Variants in FOXP2 observed in about 807,000 individuals in gnomAD.
The protein encoded by FOXP2 is forkhead box protein P2.
FOXP2 carries 12 observed loss-of-function variants against 115.8 expected under a neutral mutation model. The observed-to-expected ratio is 0.10, with a 90% CI of 0.07 to 0.17. The LOEUF (loss-of-function observed/expected upper bound fraction) is 0.17. Among genes scored for constraint, FOXP2 ranks in the 10% least tolerant of loss-of-function variants. FOXP2 has a pLI of 1.00. For missense variants in FOXP2, 629 were observed against 843.5 expected (o/e 0.75, Z 3.15); for synonymous variants, 328 against 297.7 (o/e 1.10, Z -1.05).
rs538732352 is a variant in FOXP2 at position 114,458,212 on chromosome 7, GTGT to G, written c.168+31538_168+31540del. Among the ~76,000 whole-genome samples, 623 of 152,268 alleles carry G rather than the reference GTGT, an allele frequency of 4.1e-3. 5 individuals carry two copies. Among genetic ancestry groups the G allele is most frequent in the Middle Eastern group, 0.031 (9 of 292 alleles). On this transcript the variant is annotated intron_variant, in intron 2 of 16. Transcript: ENST00000350908. Reference sequence around the variant, plus strand: ...GTAATTTGATACTAAGAAAGGGAATGTGTTGTTAATGGTGCAGTTATTAAATAG... The same window carrying G: ...GTAATTTGATACTAAGAAAGGGAATGTGTTAATGGTGCAGTTATTAAATAG...
intron 6 of FOXP2, among the ~76,000 whole-genome samples, chr7:114,639,526 T>C (rs147528340): frequency 6.6e-6 from 1 of 151,716 alleles, no homozygotes; most frequent in East Asian, 1.9e-4. Flanking sequence ...GTTACATGAT[T>C]TTAAAAAAAA....
At chr7:114,371,593 C>CAAATAT (rs1792011926) in intron 2 of FOXP2, among the ~76,000 whole-genome samples, 1 of 152,090 alleles carries the variant, frequency 6.6e-6, no homozygotes, top group African/African-American at 2.4e-5. Flanking sequence ...TTATTACCCA[C>CAAATAT]AATCTGCCAC....
chr7:114,111,517 A>T lies in FOXP2; in HGVS notation c.-247+23679A>T, dbSNP rs28444086. Reference sequence around the variant, plus strand: ...GCACTAAATTTTGAGGTGGTTTGTTATATAGCAATAGATAAAACATAAGGG... The same window carrying T: ...GCACTAAATTTTGAGGTGGTTTGTTTTATAGCAATAGATAAAACATAAGGG... On this transcript the variant is annotated intron_variant, in intron 1 of 19. Transcript: ENST00000635638. Among the ~76,000 whole-genome samples, 362 of 152,250 alleles carry T rather than the reference A, an allele frequency of 2.4e-3. 2 individuals carry two copies. Among genetic ancestry groups the T allele is most frequent in the African/African-American group, 8.3e-3 (346 of 41,566 alleles).
intron 2 of FOXP2, among the ~76,000 whole-genome samples, chr7:114,343,403 A>G (rs1195208335): frequency 2.6e-5 from 4 of 151,652 alleles, no homozygotes; most frequent in Non-Finnish European, 5.9e-5. Context: ...TGAAAACACT[A>G]CAAAAAGGGA....
At chr7:114,622,026 T>G (rs1420141507) in intron 3 of FOXP2, among the ~76,000 whole-genome samples, 1 of 152,030 alleles carries the variant, frequency 6.6e-6, no homozygotes, top group Non-Finnish European at 1.5e-5. Flanking sequence ...AAGGGTATAG[T>G]AAATGCTGGG....
chr7:114,592,048 C>T (rs141171708), intron 3 of FOXP2, among the ~76,000 whole-genome samples: 142 of 152,116 alleles, frequency 9.3e-4, no homozygotes, highest in African/African-American at 2.3e-3. Context: ...AAATACCTGA[C>T]GCACTATTTC....
At chr7:114,185,414 G>A (rs1793566534) in intron 1 of FOXP2, among the ~76,000 whole-genome samples, 1 of 152,104 alleles carries the variant, frequency 6.6e-6, no homozygotes, top group African/African-American at 2.4e-5. Context: ...ATTTTAATTT[G>A]TAAAAATGGG....
intron 3 of FOXP2, among the ~76,000 whole-genome samples, chr7:114,622,637 G>T (rs1450052656): frequency 6.6e-6 from 1 of 151,934 alleles, no homozygotes; most frequent in Non-Finnish European, 1.5e-5. Flanking sequence ...ATGAAAGCAT[G>T]AAAGGATCTT....
chr7:114,352,285 A>G (rs111263168), intron 2 of FOXP2, among the ~76,000 whole-genome samples: 181 of 152,114 alleles, frequency 1.2e-3, no homozygotes, highest in African/African-American at 4.0e-3. Context: ...AAAGAAAGAA[A>G]GAAAAAGAAA....
intron 3 of FOXP2, among the ~76,000 whole-genome samples, chr7:114,545,655 C>G (rs1799883458): frequency 6.6e-6 from 1 of 152,134 alleles, no homozygotes. Flanking sequence ...GCACTCTGAT[C>G]TCATTGTCCA....
intron 2 of FOXP2, among the ~76,000 whole-genome samples, chr7:114,435,410 A>T (rs896406455): frequency 1.3e-5 from 2 of 152,166 alleles, no homozygotes; most frequent in African/African-American, 2.4e-5. Flanking sequence ...CAGAATATTG[A>T]GGACCATTCA....
At chr7:114,194,994 C>A (rs1300068424) in intron 1 of FOXP2, among the ~76,000 whole-genome samples, 2 of 151,838 alleles carry the variant, frequency 1.3e-5, no homozygotes, top group African/African-American at 4.8e-5. Flanking sequence ...ATTTTATAAC[C>A]CATTTTCTTT....
At chr7:114,617,037 A>G (rs929439606) in intron 3 of FOXP2, among the ~76,000 whole-genome samples, 1 of 152,226 alleles carries the variant, frequency 6.6e-6, no homozygotes, top group Admixed American at 6.5e-5. Flanking sequence ...GTGAGCTATG[A>G]TTGTGCCACT....
intron 3 of FOXP2, among the ~76,000 whole-genome samples, chr7:114,597,044 G>A (rs1396433937): frequency 6.6e-6 from 1 of 151,914 alleles, no homozygotes. Context: ...CTTTCTTTTG[G>A]TAGTGTGTAA....
chr7:114,140,628 T>C (rs1052215001), intron 1 of FOXP2, among the ~76,000 whole-genome samples: 1 of 152,248 alleles, frequency 6.6e-6, no homozygotes, highest in Non-Finnish European at 1.5e-5. Context: ...GGCAGGTAAC[T>C]AGGCTGTTAC....
chr7:114,251,653 T>A (rs1795447773), intron 1 of FOXP2, among the ~76,000 whole-genome samples: 1 of 152,210 alleles, frequency 6.6e-6, no homozygotes, highest in South Asian at 2.1e-4. Flanking sequence ...TCCTGAGACT[T>A]TGCTGAAGTT....
chr7:114,406,487 G>A (rs993532921), intron 2 of FOXP2, among the ~76,000 whole-genome samples: 3 of 151,888 alleles, frequency 2.0e-5, no homozygotes, highest in African/African-American at 7.2e-5. Flanking sequence ...CTTATCATAT[G>A]CATTTTAGCT....
chr7:114,242,521 C>G (rs1022251845), intron 1 of FOXP2, among the ~76,000 whole-genome samples: 1 of 152,004 alleles, frequency 6.6e-6, no homozygotes, highest in East Asian at 1.9e-4. Context: ...TACTCATAAC[C>G]ATTATTAATT....
chr7:114,345,716 C>T (rs544139697), intron 2 of FOXP2, among the ~76,000 whole-genome samples: 3 of 151,746 alleles, frequency 2.0e-5, no homozygotes, highest in South Asian at 4.1e-4. Context: ...GAGTACAGTA[C>T]ACCAGCTGCA....
Sources: allele counts gnomAD v4.1 joint callset (sites outside exome capture counted in the v4.1 genomes callset), GRCh38; gene constraint gnomAD v4.1.1; transcripts MANE v1.5; gene names NCBI Gene and HGNC (gene_info 2026-07-23, HGNC 2026-07-21).